The following DPF3 variants were observed in gnomAD, a reference collection of about 807,000 sequenced individuals.
DPF3 encodes double PHD fingers 3, also known as zinc finger protein DPF3.
In DPF3, 18 loss-of-function variants were observed where a neutral mutation model predicts 56.8. The observed-to-expected ratio is 0.32, with a 90% CI of 0.22 to 0.47. The LOEUF (loss-of-function observed/expected upper bound fraction) is 0.47. Among genes scored for constraint, DPF3 ranks in the 20% least tolerant of loss-of-function variants. DPF3 has a pLI of 1.00. For synonymous variants in DPF3, 188 were observed against 180.2 expected, an observed-to-expected ratio of 1.04 and a Z score of -0.35; for missense variants, 403 against 488.8, an observed-to-expected ratio of 0.82 and a Z score of 1.65.
At chr14:72,737,162 A>G (rs529911788) in intron 3 of DPF3, among the ~76,000 whole-genome samples, 1 of 152,096 alleles carries the variant, frequency 6.6e-6, no homozygotes, top group South Asian at 2.1e-4. Flanking sequence ...AGTCTTTTAA[A>G]AACAACCAAA....
intron 6 of DPF3, among the ~76,000 whole-genome samples, chr14:72,695,517 A>G (rs1269150171): frequency 6.6e-6 from 1 of 152,248 alleles, no homozygotes; most frequent in Non-Finnish European, 1.5e-5. Context: ...AGTAGAACAT[A>G]TGGTATTTGA....
chr14:72,892,002 G>A, intron 1 of DPF3: 3 of 465,896 alleles, frequency 6.4e-6, no homozygotes, highest in Non-Finnish European at 3.4e-6. Flanking sequence ...ACCCTACACA[G>A]ACTCCCTCCC....
intron 1 of DPF3, among the ~76,000 whole-genome samples, chr14:72,824,551 C>CTTTT (rs375498304): frequency 0.041 from 5,889 of 143,002 alleles, 119 homozygotes; most frequent in Non-Finnish European, 0.066. Context: ...TTTTCTTTTT[C>CTTTT]TTTTTTTTTT....
chr14:72,858,322 A>AAC, intron 1 of DPF3, among the ~76,000 whole-genome samples: 1 of 151,464 alleles, frequency 6.6e-6, no homozygotes, highest in East Asian at 1.9e-4. Context: ...AAAAAAAAAA[A>AAC]AAACCCAGGT....
chr14:72,700,725 G>T (rs545783813), intron 6 of DPF3, among the ~76,000 whole-genome samples: 277 of 152,312 alleles, frequency 1.8e-3, no homozygotes, highest in Non-Finnish European at 3.2e-3. Context: ...CTCTGCTGTT[G>T]ACTCTGTGAT....
At chr14:72,877,948 C>T (rs1471377679) in intron 1 of DPF3, among the ~76,000 whole-genome samples, 1 of 152,190 alleles carries the variant, frequency 6.6e-6, no homozygotes, top group Non-Finnish European at 1.5e-5. Context: ...CCTGTGTCAC[C>T]CTCTGTCCTG....
intron 8 of DPF3, among the ~76,000 whole-genome samples, chr14:72,650,044 GA>G (rs1264144440): frequency 1.3e-5 from 2 of 152,198 alleles, no homozygotes; most frequent in African/African-American, 4.8e-5. Context: ...TCCCCTGCCA[GA>G]GGGCTGGGGC....
chr14:72,695,942 A>G (rs1445997401), intron 6 of DPF3, among the ~76,000 whole-genome samples: 2 of 152,216 alleles, frequency 1.3e-5, no homozygotes, highest in Non-Finnish European at 2.9e-5. Context: ...AAAATAAAAT[A>G]AAATAGTGCT....
rs78914547 is a variant in DPF3, at chr14:72,616,809, C to G, written c.*2488G>C. 0.023 allele frequency among the ~76,000 whole-genome samples: 3,557 copies of G among 152,300 alleles called. 151 individuals carry two copies. Among genetic ancestry groups the G allele is most frequent in the African/African-American group, 0.082 (3,401 of 41,554 alleles). On this transcript the variant is annotated 3_prime_UTR_variant, in exon 11 of 11. Coordinates refer to ENST00000556509, the MANE Select transcript of DPF3 (RefSeq NM_001280542.3). ...AAGAGACCAATTTAAAGTTTACCAA[C>G]CCCGTCCTCTTTTGAACACAGAGGT...
intron 8 of DPF3, among the ~76,000 whole-genome samples, chr14:72,633,632 G>A (rs1334481463): frequency 3.3e-5 from 5 of 152,168 alleles, no homozygotes; most frequent in African/African-American, 7.2e-5. Context: ...TAAAGACCCC[G>A]AGTGAGGGAA....
At chr14:72,859,559 TC>T (rs1255252703) in intron 1 of DPF3, among the ~76,000 whole-genome samples, 1 of 141,026 alleles carries the variant, frequency 7.1e-6, no homozygotes, top group Admixed American at 7.9e-5. Flanking sequence ...CCATCCCTCT[TC>T]GACCTTACCC....
intron 1 of DPF3, among the ~76,000 whole-genome samples, chr14:72,886,374 A>AAAAG (rs1396729000): frequency 6.6e-6 from 1 of 152,104 alleles, no homozygotes; most frequent in African/African-American, 2.4e-5. Flanking sequence ...TCCATCTAAA[A>AAAAG]AAAGAAAGAA....
intron 1 of DPF3, among the ~76,000 whole-genome samples, chr14:72,804,944 A>G (rs1882683312): frequency 6.6e-6 from 1 of 152,102 alleles, no homozygotes; most frequent in South Asian, 2.1e-4. Flanking sequence ...TATCTGCCAC[A>G]TGCTAGGCAT....
chr14:72,657,925 T>C (rs991925695), intron 8 of DPF3, among the ~76,000 whole-genome samples: 8 of 152,178 alleles, frequency 5.3e-5, no homozygotes, highest in African/African-American at 1.9e-4. Flanking sequence ...AAAAAATTTC[T>C]TATTCAGAAT....
chr14:72,855,329 C>G (rs934207072), intron 1 of DPF3, among the ~76,000 whole-genome samples: 2 of 152,212 alleles, frequency 1.3e-5, no homozygotes, highest in African/African-American at 4.8e-5. Context: ...CATGCTATAC[C>G]TTCTTTTCAA....
At chr14:72,671,120 A>G (rs1886653379) in intron 8 of DPF3, 1 of 1,613,144 alleles carries the variant, frequency 6.2e-7, no homozygotes, top group Admixed American at 1.7e-5. Flanking sequence ...TTGCCCAGAG[A>G]GTCTGTTCCG....
intron 1 of DPF3, among the ~76,000 whole-genome samples, chr14:72,861,775 G>T (rs918402862): frequency 1.4e-5 from 2 of 147,662 alleles, no homozygotes; most frequent in Non-Finnish European, 3.0e-5. Context: ...AAGAAAGAAA[G>T]AAAGAAAGAA....
chr14:72,756,842 A>AAG (rs2139909534), intron 2 of DPF3, among the ~76,000 whole-genome samples: 1 of 118,000 alleles, frequency 8.5e-6, no homozygotes, highest in African/African-American at 3.1e-5. Flanking sequence ...GAAAGAAAGA[A>AAG]AGAAAGAAAG....
chr14:72,893,605 C>T (rs1886863649), intron 1 of DPF3, among the ~76,000 whole-genome samples: 1 of 151,792 alleles, frequency 6.6e-6, no homozygotes, highest in Non-Finnish European at 1.5e-5. Context: ...GGGCGGGGGC[C>T]GCGGGCTCGG....
Sources: allele counts gnomAD v4.1 joint callset (sites outside exome capture counted in the v4.1 genomes callset), GRCh38; gene constraint gnomAD v4.1.1; transcripts MANE v1.5; gene names NCBI Gene and HGNC (gene_info 2026-07-23, HGNC 2026-07-21).